LINGO2: variants seen among roughly 807,000 people sequenced by gnomAD.
The protein encoded by LINGO2 is leucine-rich repeat and immunoglobulin-like domain-containing nogo receptor-interacting protein 2.
Under a neutral mutation model 30.6 loss-of-function variants are expected in LINGO2, and 14 were observed. The observed-to-expected ratio is 0.46, with a 90% CI of 0.30 to 0.72. LINGO2 has a LOEUF of 0.72. LINGO2 is among the 30% of genes least tolerant of loss of function. LINGO2 has a pLI of 0.07. For missense variants in LINGO2, 729 were observed against 751.7 expected (o/e 0.97, Z 0.35); for synonymous variants, 317 against 288.5 (o/e 1.10, Z -1.00).
intron 4 of LINGO2, among the ~76,000 whole-genome samples, chr9:28,036,773 GAC>G (rs1324478092): frequency 2.6e-5 from 4 of 152,036 alleles, no homozygotes; most frequent in African/African-American, 4.8e-5. Context: ...TAAGATAAGA[GAC>G]AATTAGGAAA....
At chr9:28,119,124 G>A (rs1439380062) in intron 4 of LINGO2, among the ~76,000 whole-genome samples, 1 of 152,186 alleles carries the variant, frequency 6.6e-6, no homozygotes, top group Non-Finnish European at 1.5e-5. Flanking sequence ...GAAGTGCACA[G>A]TGTGAATAAA....
intron 3 of LINGO2, among the ~76,000 whole-genome samples, chr9:28,321,893 A>G (rs763553134): frequency 6.6e-6 from 1 of 152,028 alleles, no homozygotes; most frequent in Non-Finnish European, 1.5e-5. Context: ...GCTAGATTCC[A>G]GTCACTGGAA....
chr9:28,784,736 G>C, the LINGO2 span, among the ~76,000 whole-genome samples: 1 of 152,130 alleles, frequency 6.6e-6, no homozygotes, highest in South Asian at 2.1e-4. Flanking sequence ...CGTGGATCAT[G>C]AAGTCAGGAG....
the LINGO2 span, among the ~76,000 whole-genome samples, chr9:29,008,644 T>C: frequency 2.0e-5 from 3 of 152,196 alleles, no homozygotes; most frequent in Non-Finnish European, 4.4e-5. Flanking sequence ...TGGCATCTCA[T>C]TGTGGTTTTG....
the LINGO2 span, among the ~76,000 whole-genome samples, chr9:28,838,853 G>C: frequency 1.3e-5 from 2 of 152,198 alleles, no homozygotes; most frequent in Non-Finnish European, 2.9e-5. Flanking sequence ...GACAGGCGCA[G>C]AGCAGCAAGG....
chr9:28,872,541 C>T, the LINGO2 span, among the ~76,000 whole-genome samples: 1 of 152,118 alleles, frequency 6.6e-6, no homozygotes, highest in Non-Finnish European at 1.5e-5. Context: ...ATTTCTGAAT[C>T]AGTTGTTTCA....
At chr9:28,178,963 A>G (rs1340998540) in intron 4 of LINGO2, among the ~76,000 whole-genome samples, 1 of 152,106 alleles carries the variant, frequency 6.6e-6, no homozygotes, top group Non-Finnish European at 1.5e-5. Context: ...TTTCACCTCT[A>G]ACATCAGCCA....
the LINGO2 span, among the ~76,000 whole-genome samples, chr9:28,968,555 A>G: frequency 6.6e-6 from 1 of 152,172 alleles, no homozygotes; most frequent in African/African-American, 2.4e-5. Context: ...TCACTTTTGT[A>G]CTTCAAAAGC....
chr9:28,178,786 C>T (rs753085749), intron 4 of LINGO2, among the ~76,000 whole-genome samples: 3 of 152,102 alleles, frequency 2.0e-5, no homozygotes, highest in Non-Finnish European at 4.4e-5. Flanking sequence ...TTATTATTGG[C>T]AGCTGGAAGA....
chr9:28,795,126 G>A, the LINGO2 span, among the ~76,000 whole-genome samples: 4 of 151,918 alleles, frequency 2.6e-5, no homozygotes, highest in Non-Finnish European at 1.5e-5. Flanking sequence ...GAGCCACCAC[G>A]GCTGGCCAGG....
At chr9:28,648,368 C>G (rs1332996620) in intron 1 of LINGO2, among the ~76,000 whole-genome samples, 3 of 152,062 alleles carry the variant, frequency 2.0e-5, no homozygotes, top group Non-Finnish European at 4.4e-5. Context: ...ACATTGCCTA[C>G]TCATCTCATT....
chr9:28,216,719 C>T (rs1302992070), intron 4 of LINGO2, among the ~76,000 whole-genome samples: 1 of 151,820 alleles, frequency 6.6e-6, no homozygotes, highest in Non-Finnish European at 1.5e-5. Flanking sequence ...GCAAGGACTT[C>T]CACTGGCAGC....
At chr9:29,053,192 G>A in the LINGO2 span, among the ~76,000 whole-genome samples, 2 of 151,266 alleles carry the variant, frequency 1.3e-5, no homozygotes, top group Non-Finnish European at 2.9e-5. Flanking sequence ...ATCCCTAAAT[G>A]TGAAAAAAAA....
chr9:28,934,444 A>G, the LINGO2 span, among the ~76,000 whole-genome samples: 1 of 152,226 alleles, frequency 6.6e-6, no homozygotes, highest in Non-Finnish European at 1.5e-5. Flanking sequence ...ATTGACAAGT[A>G]CATTAATAAC....
chr9:28,261,720 A>C (rs1267723484), intron 4 of LINGO2, among the ~76,000 whole-genome samples: 3 of 151,972 alleles, frequency 2.0e-5, no homozygotes, highest in Non-Finnish European at 2.9e-5. Context: ...TTATTCAAGA[A>C]GAGAACCATG....
chr9:28,683,181 C>T, the LINGO2 span, among the ~76,000 whole-genome samples: 1 of 152,062 alleles, frequency 6.6e-6, no homozygotes, highest in African/African-American at 2.4e-5. Context: ...AATCAATGTG[C>T]CCATACCCTA....
chr9:28,997,880 T>C, the LINGO2 span, among the ~76,000 whole-genome samples: 1 of 152,052 alleles, frequency 6.6e-6, no homozygotes, highest in African/African-American at 2.4e-5. Context: ...GTTTGTCACT[T>C]ATGTCCTTTT....
intron 1 of LINGO2, among the ~76,000 whole-genome samples, chr9:28,556,152 T>C (rs949626880): frequency 2.0e-3 from 303 of 151,930 alleles, no homozygotes; most frequent in Non-Finnish European, 2.9e-3. Flanking sequence ...CCAGGGCAAT[T>C]AGGCAGGAGA....
chr9:28,197,130 C>T (rs1325635321), intron 4 of LINGO2, among the ~76,000 whole-genome samples: 2 of 152,002 alleles, frequency 1.3e-5, no homozygotes, highest in Non-Finnish European at 2.9e-5. Flanking sequence ...TTGATCATTA[C>T]ACCTTGCATA....
Sources: allele counts gnomAD v4.1 joint callset (sites outside exome capture counted in the v4.1 genomes callset), GRCh38; gene constraint gnomAD v4.1.1; transcripts MANE v1.5; gene names NCBI Gene and HGNC (gene_info 2026-07-23, HGNC 2026-07-21).